CACNA1A: variants seen among roughly 807,000 people sequenced by gnomAD.
CACNA1A encodes the protein voltage-dependent P/Q-type calcium channel subunit alpha-1A.
CACNA1A carries 57 observed loss-of-function variants against 262.4 expected under a neutral mutation model. The observed-to-expected ratio is 0.22, with a 90% CI of 0.18 to 0.27. The LOEUF (loss-of-function observed/expected upper bound fraction) is 0.27. CACNA1A is among the 10% of genes least tolerant of loss of function. CACNA1A has a pLI of 1.00. For synonymous variants in CACNA1A, 1,431 were observed against 1,419.3 expected (o/e 1.01, Z -0.18); for missense variants, 2,526 against 3,562.8 (o/e 0.71, Z 7.41).
At chr19:13,219,120 C>T (rs2055126926) in intron 38 of CACNA1A, among the ~76,000 whole-genome samples, 1 of 147,902 alleles carries the variant, frequency 6.8e-6, no homozygotes, top group Non-Finnish European at 1.5e-5. Context: ...CGGCTCACTG[C>T]AACCTCTGCC....
chr19:13,505,497 C>T (rs532320607), intron 1 of CACNA1A, among the ~76,000 whole-genome samples: 5 of 152,254 alleles, frequency 3.3e-5, no homozygotes, highest in Admixed American at 6.5e-5. Context: ...CAGTGAGCGA[C>T]GGCCAAGAAA....
rs367568403 is a variant in CACNA1A at position 13,322,058 on chromosome 19, C to T, written c.1346-4737G>A. ...ATCTACTAAAAATACAAAAATTAGC[C>T]GGGCATGGTGGCACACGCCTGTAAT... On this transcript the variant is annotated intron_variant, in intron 10 of 46. Transcript: ENST00000360228. 3.1e-4 allele frequency among the ~76,000 whole-genome samples: 47 copies of T among 151,786 alleles called. No individual in the cohort carries two copies. The South Asian group carries it at 4.0e-3, about 13-fold the overall frequency.
At chr19:13,475,963 A>G (rs1406109961) in intron 1 of CACNA1A, among the ~76,000 whole-genome samples, 1 of 152,160 alleles carries the variant, frequency 6.6e-6, no homozygotes, top group East Asian at 1.9e-4. Context: ...GGGATAGTGC[A>G]GGGGTTTATA....
intron 1 of CACNA1A, among the ~76,000 whole-genome samples, chr19:13,501,768 T>C (rs1325195876): frequency 6.6e-6 from 1 of 152,122 alleles, no homozygotes; most frequent in Non-Finnish European, 1.5e-5. Flanking sequence ...CAAAACATAC[T>C]CAAATGCACA....
intron 40 of CACNA1A, among the ~76,000 whole-genome samples, chr19:13,213,054 G>A (rs1458244389): frequency 6.6e-6 from 1 of 152,056 alleles, no homozygotes; most frequent in Non-Finnish European, 1.5e-5. Context: ...CTTGAGTCAG[G>A]TCCTATCCCT....
rs554393704 is a variant in CACNA1A at position 13,209,372 on chromosome 19, G to A, written c.6466C>T (p.Arg2156Cys). Residue 2156 changes from arginine to cysteine, a missense_variant, in exon 45 of 47, where the codon CGC becomes TGC. Arg to Cys is a radical substitution (Grantham distance 180). Coordinates refer to ENST00000360228, the MANE Select transcript of CACNA1A (RefSeq NM_001127222.2). ...EENQRHHQRRRDRSHRASERS... is the reference protein window; with the variant it reads ...EENQRHHQRRCDRSHRASERS... ...TCAGAGGCGCGGTGGCTGCGGTCGCGGCGCCGCTGGTGGTGCCGCTGGTTC... is the reference window on the plus strand; with the variant it reads ...TCAGAGGCGCGGTGGCTGCGGTCGCAGCGCCGCTGGTGGTGCCGCTGGTTC... 1.1e-4 allele frequency: 147 copies of A among 1,395,708 alleles called. 2 individuals carry two copies. In the South Asian group the frequency reaches 2.1e-3, roughly 20 times the overall value. The allele number at this position is 1,395,708 out of a possible 1,614,324, so 86.5% of individuals were successfully genotyped here. A position where few individuals can be genotyped will look rare whatever the true frequency, so the allele number is the denominator to read the frequency against.
intron 3 of CACNA1A, among the ~76,000 whole-genome samples, chr19:13,392,871 T>G (rs1288940781): frequency 3.9e-5 from 6 of 152,278 alleles, no homozygotes; most frequent in Admixed American, 3.3e-4. Context: ...CTCAGTTTCC[T>G]GAGTAGCTGA....
Position 13,236,893 on chromosome 19 carries a change from C to G in CACNA1A, c.4951-1163G>C, listed in dbSNP as rs1000075405. Among the ~76,000 whole-genome samples the G allele has an allele frequency of 3.9e-5, 6 of 151,996 alleles. No individual in the cohort carries two copies. The highest frequency in any genetic ancestry group is 9.7e-5 in the African/African-American group (4 of 41,390). On this transcript the variant is annotated intron_variant, in intron 31 of 46. Coordinates refer to ENST00000360228, the MANE Select transcript of CACNA1A (RefSeq NM_001127222.2). The surrounding 1 kb of genome is among the most constrained non-coding windows in gnomAD (Gnocchi z 4.6). ...TGGCCATTGTGGGGCTTCAAGGGAC[C>G]TTGGTGGGGGGGGTGGGACTCTCGA...
intron 1 of CACNA1A, among the ~76,000 whole-genome samples, chr19:13,489,173 A>G (rs566879932): frequency 6.6e-6 from 1 of 151,366 alleles, no homozygotes; most frequent in Non-Finnish European, 1.5e-5. Context: ...CACCATGCCC[A>G]GCTAATTTTT....
At chr19:13,385,550 A>G (rs1450165158) in intron 3 of CACNA1A, among the ~76,000 whole-genome samples, 1 of 151,826 alleles carries the variant, frequency 6.6e-6, no homozygotes, top group Non-Finnish European at 1.5e-5. Flanking sequence ...TTAGAGACAG[A>G]GTCCTAGTAT....
intron 3 of CACNA1A, among the ~76,000 whole-genome samples, chr19:13,410,269 C>T (rs2144733490): frequency 1.3e-5 from 2 of 151,990 alleles, no homozygotes; most frequent in East Asian, 3.9e-4. Context: ...CTCTGTTGTC[C>T]AGCCTGGAGT....
chr19:13,214,337 G>C lies in CACNA1A; in HGVS notation c.5840-4C>G. ...TTCCCCACGGTGAGGTCCGTGGCTG[G>C]GGGCACACACACGGTGAGCTCACCA... On this transcript the variant is annotated splice_region_variant and splice_polypyrimidine_tract_variant and intron_variant, in intron 39 of 46. Transcript: ENST00000360228. This position sits in a 1 kb window ranked among gnomAD's most constrained non-coding sequence, Gnocchi z 4.1. The C allele has an allele frequency of 6.2e-7, 1 of 1,612,258 alleles. No homozygotes were observed. Among genetic ancestry groups the C allele is most frequent in the Non-Finnish European group, 8.5e-7 (1 of 1,179,452 alleles).
At chr19:13,249,124 C>G (rs2056329010) in intron 30 of CACNA1A, among the ~76,000 whole-genome samples, 1 of 152,084 alleles carries the variant, frequency 6.6e-6, no homozygotes, top group South Asian at 2.1e-4. Context: ...TGCCACTATG[C>G]TGGCTAATTT....
rs533297364 is a variant in CACNA1A at position 13,433,460 on chromosome 19, C to CAAAAAAAAAAAAAAAAA, written c.539+19399_539+19415dup. 5.1e-3 allele frequency among the ~76,000 whole-genome samples: 387 copies of CAAAAAAAAAAAAAAAAA among 76,172 alleles called. 27 individuals carry two copies. The highest frequency in any genetic ancestry group is 0.026 in the South Asian group (37 of 1,400). 50.0% of individuals were successfully genotyped at this position (76,172 alleles called of 152,430 possible). ...TCGGCAACAAAGCAAGACGCTGTCT[C>CAAAAAAAAAAAAAAAAA]AAAAAAAAAAAAAAAAAAAAAAAGT... On this transcript the variant is annotated intron_variant, in intron 3 of 46. Coordinates refer to ENST00000360228, the MANE Select transcript of CACNA1A (RefSeq NM_001127222.2).
At chr19:13,371,649 CGT>C (rs1482569849) in intron 4 of CACNA1A, 37 bp downstream of exon 4, 5 of 1,477,290 alleles carry the variant, frequency 3.4e-6, no homozygotes, top group Non-Finnish European at 4.6e-6. Context: ...TCCTGGGGCC[CGT>C]GAGCAAACCC....
chr19:13,309,263 C>G (rs921651792), intron 12 of CACNA1A, among the ~76,000 whole-genome samples: 15 of 152,116 alleles, frequency 9.9e-5, no homozygotes, highest in Non-Finnish European at 1.0e-4. Flanking sequence ...CTGCCTCGGC[C>G]TCCCAAAGTG....
At position 13,491,883 on chromosome 19, in the gene CACNA1A, G is replaced by A. The variant is rs763224607; in HGVS notation, c.293+14049C>T. Among the ~76,000 whole-genome samples, 13 of 152,032 alleles carry A rather than the reference G, an allele frequency of 8.6e-5. 1 individual carries two copies. The highest frequency in any genetic ancestry group is 8.3e-4 in the South Asian group (4 of 4,812). Reference sequence around the variant, plus strand: ...AGCACCAACAGAGGTACACAGAGGCGCACACACACTATTGCACTGGGGAGG... The same window carrying A: ...AGCACCAACAGAGGTACACAGAGGCACACACACACTATTGCACTGGGGAGG... On this transcript the variant is annotated intron_variant, in intron 1 of 46. Transcript: ENST00000360228.
At chr19:13,451,584 CT>C in intron 3 of CACNA1A, 1 of 152,292 alleles carries the variant, frequency 6.6e-6, no homozygotes, top group Non-Finnish European at 1.5e-5. Context: ...CAATCTGATA[CT>C]TCCCAGCTTC....
chr19:13,372,896 G>A lies in CACNA1A; in HGVS notation c.540-1117C>T, dbSNP rs78381862. ...AGGATGATAGCAGTAGGTGGGATGA[G>A]GCTTCCATAGAAACCCTCCGAGCAA... On this transcript the variant is annotated intron_variant, in intron 3 of 46. Coordinates refer to ENST00000360228, the MANE Select transcript of CACNA1A (RefSeq NM_001127222.2). 7.9e-5 allele frequency among the ~76,000 whole-genome samples: 12 copies of A among 152,264 alleles called. No homozygotes were observed. In the East Asian group the frequency reaches 1.5e-3, roughly 20 times the overall value.
Sources: gnomAD v4.1 joint callset for allele counts (sites outside exome capture counted in the v4.1 genomes callset) on GRCh38, gnomAD v4.1.1 for gene constraint, Gnocchi (gnomAD v3.1) non-coding constraint, MANE v1.5 for transcripts, NCBI Gene and HGNC (gene_info 2026-07-23, HGNC 2026-07-21) for gene names.